Variants in ERGIC3 observed in about 807,000 individuals in gnomAD.
ERGIC3 encodes the protein endoplasmic reticulum-Golgi intermediate compartment protein 3.
Under a neutral mutation model 54.7 loss-of-function variants are expected in ERGIC3, and 33 were observed. The ratio of observed to expected loss-of-function variants is 0.60; its 90% CI spans 0.46 to 0.81. ERGIC3 has a LOEUF of 0.81. ERGIC3 is among the 30% of genes least tolerant of loss of function. ERGIC3 has a pLI of 0.00. For missense variants in ERGIC3, 399 were observed against 488.4 expected, an observed-to-expected ratio of 0.82 and a Z score of 1.73; for synonymous variants, 186 against 189.8, an observed-to-expected ratio of 0.98 and a Z score of 0.16.
chr20:35,549,104 A>G, intron 7 of ERGIC3: 1 of 626,970 alleles, frequency 1.6e-6, no homozygotes. Context: ...AAGGTTTCTT[A>G]ATCTTTTTGA....
intron 7 of ERGIC3, chr20:35,549,462 C>A (rs1264362655): frequency 5.8e-6 from 2 of 344,700 alleles, no homozygotes; most frequent in Non-Finnish European, 1.1e-5. Flanking sequence ...ATTTAGTAAT[C>A]ACCTACTAGT....
chr20:35,544,097 C>T (rs1182368538), intron 4 of ERGIC3: 4 of 195,830 alleles, frequency 2.0e-5, no homozygotes, highest in African/African-American at 9.4e-5. Context: ...CTTTGTCGCC[C>T]AGGCTGGAGT....
At position 35,547,481 on chromosome 20, in the gene ERGIC3, A is replaced by G. The variant is rs1291946363; in HGVS notation, c.437A>G (p.Tyr146Cys). The change falls in exon 5 of 13, where the codon TAT (tyrosine) becomes TGT (cysteine). Residue 146 changes from tyrosine to cysteine, a missense_variant. Transcript: ENST00000348547. ...SLDPDRCESC[Y>C]GAEAEDIKCC... is the part of the protein sequence containing the mutation. ...GACCCTGATCGCTGTGAGAGCTGCT[A>G]TGGTGCTGAGGCAGAAGATATCAAG... 4 of 1,613,990 alleles carry G rather than the reference A, an allele frequency of 2.5e-6. No homozygotes were observed. Among genetic ancestry groups the G allele is most frequent in the Non-Finnish European group, 2.5e-6 (3 of 1,179,954 alleles).
In ERGIC3 at chr20:35,557,192, A is replaced by AG; in HGVS notation, c.1017dup. Reference sequence around the variant, plus strand: ...GCTGAGCCCACCCTCTCCTTCTACCAGGTCCTTCACCCACTTCCTGACAGG... The same window carrying AG: ...GCTGAGCCCACCCTCTCCTTCTACCAGGGTCCTTCACCCACTTCCTGACAGG... On this transcript the variant is annotated splice_acceptor_variant, in intron 11 of 12. Coordinates refer to ENST00000348547, the MANE Select transcript of ERGIC3 (RefSeq NM_015966.3). LOFTEE classifies it high-confidence loss of function. The AG allele has an allele frequency of 6.2e-7, 1 of 1,614,184 alleles. No individual in the cohort carries two copies. The highest frequency in any genetic ancestry group is 8.5e-7 in the Non-Finnish European group (1 of 1,180,020).
intron 4 of ERGIC3, chr20:35,543,579 A>G (rs1477901851): frequency 2.1e-6 from 1 of 470,830 alleles, no homozygotes; most frequent in African/African-American, 2.0e-5. Context: ...TTCCCACCAC[A>G]GCAAACTGTC....
At chr20:35,556,851 CTG>C (rs1224789764) in intron 10 of ERGIC3, 120 bp from the exon 11 acceptor site, 1 of 1,378,764 alleles carries the variant, frequency 7.3e-7, no homozygotes, top group Non-Finnish European at 1.0e-6. Flanking sequence ...TAGCACGGTG[CTG>C]TGTTCTCTCC....
In ERGIC3 at chr20:35,554,764, C is replaced by G. The variant is rs897819434; in HGVS notation, c.686-280C>G. 4 of 594,214 alleles carry G rather than the reference C, an allele frequency of 6.7e-6. No homozygotes were observed. In the African/African-American group the frequency reaches 7.4e-5, roughly 11 times the overall value. 36.8% of individuals were successfully genotyped at this position (594,214 alleles called of 1,614,324 possible). On this transcript the variant is annotated intron_variant, in intron 7 of 12. Coordinates refer to ENST00000348547, the MANE Select transcript of ERGIC3 (RefSeq NM_015966.3). ...TCGGTGGGTTTTGTTTCCGGAGATGCAGGCAGGGCCATGGTGGTAGTCAAG... is the reference window on the plus strand; with the variant it reads ...TCGGTGGGTTTTGTTTCCGGAGATGGAGGCAGGGCCATGGTGGTAGTCAAG...
At chr20:35,554,883 C>G (rs1439617928) in intron 7 of ERGIC3, 161 bp from the exon 8 acceptor site, 1 of 849,302 alleles carries the variant, frequency 1.2e-6, no homozygotes, top group African/African-American at 1.7e-5. Context: ...CCAAGGCTTG[C>G]CCTTTCTGGC....
intron 8 of ERGIC3, 148 bp downstream of exon 8, chr20:35,555,223 G>A: frequency 1.0e-6 from 1 of 997,760 alleles, no homozygotes; most frequent in Non-Finnish European, 1.6e-6. Context: ...TGAGGGTTAA[G>A]CGAGAGTGAC....
intron 7 of ERGIC3, among the ~76,000 whole-genome samples, chr20:35,552,172 CT>C (rs1166892766): frequency 1.3e-5 from 2 of 152,112 alleles, no homozygotes; most frequent in African/African-American, 4.8e-5. Context: ...AGGGTGGTAG[CT>C]GGTGTGGCAG....
At position 35,547,345 on chromosome 20, in the gene ERGIC3, A is replaced by G. The variant is rs1313610487; in HGVS notation, c.368-67A>G. ...TTATCCCTAAGCAAAGGGCTTGTGC[A>G]GACTGGAGCCACCGATTTCACTGTG... is the stretch of plus-strand genomic sequence containing the variant. On this transcript the variant is annotated intron_variant, in intron 4 of 12. Coordinates refer to ENST00000348547, the MANE Select transcript of ERGIC3 (RefSeq NM_015966.3). The G allele has an allele frequency of 9.0e-6, 11 of 1,217,362 alleles. No individual in the cohort carries two copies. In the Admixed American group the frequency reaches 1.7e-4, roughly 19 times the overall value. The allele number at this position is 1,217,362 out of a possible 1,614,324, so 75.4% of individuals were successfully genotyped here.
At chr20:35,550,652 A>G (rs224416) in intron 7 of ERGIC3, among the ~76,000 whole-genome samples, 99,852 of 152,006 alleles carry the variant, frequency 0.66, 34,493 homozygotes, top group East Asian at 0.77. Context: ...TCACAGGGCC[A>G]TATCATGCAG....
At chr20:35,542,455 G>C (rs762511094) in intron 2 of ERGIC3, 58 bp from the exon 3 acceptor site, 2 of 1,613,776 alleles carry the variant, frequency 1.2e-6, no homozygotes, top group Non-Finnish European at 1.7e-6. Flanking sequence ...ACCTTTAGGG[G>C]TGGGAGTGGG....
chr20:35,552,758 A>G (rs1209182137), intron 7 of ERGIC3, among the ~76,000 whole-genome samples: 3 of 152,324 alleles, frequency 2.0e-5, no homozygotes, highest in Middle Eastern at 6.8e-3. Context: ...AATGGCCAAC[A>G]GAGCAAGTGG....
chr20:35,553,493 G>A (rs2064694006), intron 7 of ERGIC3, among the ~76,000 whole-genome samples: 1 of 152,138 alleles, frequency 6.6e-6, no homozygotes, highest in Admixed American at 6.5e-5. Flanking sequence ...CAGGGTTGGG[G>A]AAGGTGGGAG....
At chr20:35,556,463 C>G (rs530391847) in intron 10 of ERGIC3, 192 bp downstream of exon 10, 1 of 622,224 alleles carries the variant, frequency 1.6e-6, no homozygotes, top group Non-Finnish European at 2.8e-6. Context: ...AGATTTAAAG[C>G]GCCTGCTCTT....
At position 35,542,827 on chromosome 20, in the gene ERGIC3, A is replaced by G. The variant is rs1291720503; in HGVS notation, c.253A>G (p.Ser85Gly). The G allele has an allele frequency of 3.1e-6, 5 of 1,613,674 alleles. No homozygotes were observed. Among genetic ancestry groups the G allele is most frequent in the Middle Eastern group, 3.3e-4 (2 of 6,084 alleles). Reference sequence around the variant, plus strand: ...CCTGATTTTCCTGCTTCCAGATCTGAGTATTGATGCCATGGATGTGGCCGG... The same window carrying G: ...CCTGATTTTCCTGCTTCCAGATCTGGGTATTGATGCCATGGATGTGGCCGG... ...LFPHMPCAYL[S>G]IDAMDVAGEQ... Residue 85 changes from serine (S) to glycine (G), a missense_variant, in exon 4 of 13, where the codon AGT becomes GGT. Transcript: ENST00000348547.
At chr20:35,553,171 A>ATTTT (rs61579080) in intron 7 of ERGIC3, among the ~76,000 whole-genome samples, 5,112 of 127,300 alleles carry the variant, frequency 0.04, 407 homozygotes, top group African/African-American at 0.098. Flanking sequence ...TGCCTGGCTA[A>ATTTT]TTTTTTTTTT....
intron 3 of ERGIC3, 100 bp from the exon 4 acceptor site, chr20:35,542,722 G>A (rs112581810): frequency 1.2e-6 from 2 of 1,606,134 alleles, no homozygotes; most frequent in African/African-American, 1.3e-5. Flanking sequence ...TCCTCATCCC[G>A]TTCTGCCCCA....
Sources: gnomAD v4.1 joint callset for allele counts (sites outside exome capture counted in the v4.1 genomes callset) on GRCh38, gnomAD v4.1.1 for gene constraint, MANE v1.5 for transcripts, NCBI Gene and HGNC (gene_info 2026-07-23, HGNC 2026-07-21) for gene names.